Variants in GRM8 observed in about 807,000 individuals in gnomAD.
GRM8 encodes the protein metabotropic glutamate receptor 8.
GRM8 carries 47 observed loss-of-function variants against 87.2 expected under a neutral mutation model. The observed-to-expected ratio is 0.54, with a 90% CI of 0.43 to 0.69. The LOEUF is 0.69. Ranked by LOEUF, GRM8 falls within the 30% of genes least tolerant of loss-of-function variation. GRM8 has a pLI of 0.00. For missense variants in GRM8, 1,019 were observed against 1,139.2 expected, an observed-to-expected ratio of 0.89 and a Z score of 1.52; for synonymous variants, 396 against 404.5, an observed-to-expected ratio of 0.98 and a Z score of 0.25.
At chr7:126,839,118 C>T (rs1586149723) in intron 6 of GRM8, among the ~76,000 whole-genome samples, 9 of 152,100 alleles carry the variant, frequency 5.9e-5, no homozygotes, top group Admixed American at 5.9e-4. Flanking sequence ...GATTTTTGGC[C>T]GGGAACTATA....
intron 9 of GRM8, among the ~76,000 whole-genome samples, chr7:126,529,516 ACTGGAAGAAAAT>A (rs1814462676): frequency 6.6e-6 from 1 of 152,234 alleles, no homozygotes; most frequent in African/African-American, 2.4e-5. Flanking sequence ...TCCTGAGGCC[ACTGGAAGAAAAT>A]CTGGTTTGAG....
At chr7:126,875,186 C>T (rs1799431705) in intron 6 of GRM8, among the ~76,000 whole-genome samples, 1 of 151,138 alleles carries the variant, frequency 6.6e-6, no homozygotes, top group Admixed American at 6.6e-5. Context: ...TGTAAATATA[C>T]ATATTCTATA....
chr7:126,874,108 G>A (rs1799336884), intron 6 of GRM8, among the ~76,000 whole-genome samples: 1 of 151,714 alleles, frequency 6.6e-6, no homozygotes, highest in Non-Finnish European at 1.5e-5. Flanking sequence ...TTTTAGCTTT[G>A]CCCTCTTTCC....
intron 9 of GRM8, among the ~76,000 whole-genome samples, chr7:126,498,121 G>A (rs1031693738): frequency 5.3e-5 from 8 of 151,858 alleles, no homozygotes; most frequent in Non-Finnish European, 1.0e-4. Context: ...GATGAGAGGT[G>A]GGGTCTGAAG....
chr7:126,724,910 T>C (rs773208207), intron 7 of GRM8, among the ~76,000 whole-genome samples: 11 of 152,212 alleles, frequency 7.2e-5, no homozygotes, highest in Non-Finnish European at 1.2e-4. Flanking sequence ...CCAAAGTTAC[T>C]TGAATGGATG....
intron 2 of GRM8, among the ~76,000 whole-genome samples, chr7:127,235,063 A>G (rs1797905046): frequency 6.6e-6 from 1 of 152,210 alleles, no homozygotes; most frequent in Non-Finnish European, 1.5e-5. Flanking sequence ...TTTTCAGACA[A>G]TTTTGTAAAC....
chr7:126,701,219 C>T (rs1007805693), intron 7 of GRM8, among the ~76,000 whole-genome samples: 1 of 152,012 alleles, frequency 6.6e-6, no homozygotes, highest in Non-Finnish European at 1.5e-5. Context: ...GCTGCAGGCC[C>T]GGAAGGTTGG....
intron 3 of GRM8, among the ~76,000 whole-genome samples, chr7:126,918,750 A>C (rs1804190871): frequency 1.3e-5 from 2 of 152,194 alleles, no homozygotes; most frequent in Non-Finnish European, 2.9e-5. Context: ...TGAAACCAAA[A>C]ACATCTACAT....
At chr7:127,069,070 T>C (rs1161270453) in intron 3 of GRM8, among the ~76,000 whole-genome samples, 1 of 152,218 alleles carries the variant, frequency 6.6e-6, no homozygotes, top group Non-Finnish European at 1.5e-5. Context: ...GTTTCTGTTA[T>C]ATTGAACCAT....
At chr7:126,863,643 G>A (rs1798332883) in intron 6 of GRM8, among the ~76,000 whole-genome samples, 1 of 152,122 alleles carries the variant, frequency 6.6e-6, no homozygotes, top group African/African-American at 2.4e-5. Flanking sequence ...CGTTTTCAGA[G>A]CATGCAGTCA....
At chr7:126,853,458 G>A (rs750978808) in intron 6 of GRM8, among the ~76,000 whole-genome samples, 1 of 152,140 alleles carries the variant, frequency 6.6e-6, no homozygotes, top group Non-Finnish European at 1.5e-5. Context: ...GCCTTCTAGA[G>A]ACAGGAAGCC....
At chr7:126,951,062 T>A (rs1369398356) in intron 3 of GRM8, among the ~76,000 whole-genome samples, 1 of 152,042 alleles carries the variant, frequency 6.6e-6, no homozygotes, top group Non-Finnish European at 1.5e-5. Context: ...TGGAGTACAA[T>A]AATGCTGTAA....
At chr7:126,803,735 C>G (rs1028003692) in intron 6 of GRM8, among the ~76,000 whole-genome samples, 1 of 152,220 alleles carries the variant, frequency 6.6e-6, no homozygotes. Context: ...AGAACTCCAG[C>G]CCCAGTATCA....
At chr7:126,600,444 A>G (rs1339151592) in intron 8 of GRM8, among the ~76,000 whole-genome samples, 1 of 152,112 alleles carries the variant, frequency 6.6e-6, no homozygotes, top group African/African-American at 2.4e-5. Context: ...CCTGAAACCA[A>G]TTCCCCATAT....
intron 8 of GRM8, among the ~76,000 whole-genome samples, chr7:126,565,307 T>C (rs1794118835): frequency 6.6e-6 from 1 of 151,906 alleles, no homozygotes; most frequent in Non-Finnish European, 1.5e-5. Flanking sequence ...GACTCAATTA[T>C]TAAAAAAACA....
At chr7:126,576,764 A>G (rs1795151468) in intron 8 of GRM8, among the ~76,000 whole-genome samples, 2 of 151,900 alleles carry the variant, frequency 1.3e-5, no homozygotes, top group African/African-American at 4.8e-5. Flanking sequence ...TGAGCTCCTG[A>G]GTTTTATTCC....
intron 2 of GRM8, chr7:127,112,024 CAA>C (rs11299403): frequency 8.8e-5 from 13 of 147,380 alleles, no homozygotes; most frequent in South Asian, 2.2e-4. Flanking sequence ...AACTCTGTCT[CAA>C]AAAAAAAAAA....
chr7:126,521,432 A>G (rs1415111856), intron 9 of GRM8, among the ~76,000 whole-genome samples: 1 of 152,124 alleles, frequency 6.6e-6, no homozygotes, highest in Non-Finnish European at 1.5e-5. Context: ...AAATCCCACA[A>G]AAACCTACAA....
At chr7:126,489,337 C>T (rs201794767) in intron 9 of GRM8, among the ~76,000 whole-genome samples, 2 of 152,040 alleles carry the variant, frequency 1.3e-5, no homozygotes, top group East Asian at 1.9e-4. Flanking sequence ...AACATAACTA[C>T]ATGCACAGCA....
Sources: gnomAD v4.1 joint callset for allele counts (sites outside exome capture counted in the v4.1 genomes callset) on GRCh38, gnomAD v4.1.1 for gene constraint, MANE v1.5 for transcripts, NCBI Gene and HGNC (gene_info 2026-07-23, HGNC 2026-07-21) for gene names.